CDKL2: variants seen among roughly 807,000 people sequenced by gnomAD.
The protein encoded by CDKL2 is cyclin dependent kinase like 2.
Under a neutral mutation model 63.9 loss-of-function variants are expected in CDKL2, and 64 were observed. That is an observed-to-expected ratio of 1.00 (90% CI 0.82 to 1.23). The LOEUF is 1.23. CDKL2 is among the 50% of genes most tolerant of loss of function. The pLI is 0.00. For synonymous variants in CDKL2, 211 were observed against 229.2 expected (o/e 0.92, Z 0.72); for missense variants, 656 against 668.0 (o/e 0.98, Z 0.20).
chr4:75,610,829 ATATGTATG>A (rs961076916), intron 3 of CDKL2, among the ~76,000 whole-genome samples: 5 of 152,088 alleles, frequency 3.3e-5, no homozygotes, highest in Admixed American at 6.6e-5. Context: ...GTGTTTATAT[ATATGTATG>A]TATGTATGTA....
chr4:75,616,648 T>TAAG (rs1729939034), intron 2 of CDKL2, among the ~76,000 whole-genome samples: 1 of 137,012 alleles, frequency 7.3e-6, no homozygotes, highest in Non-Finnish European at 1.5e-5. Flanking sequence ...TGCAGTGAGC[T>TAAG]AAGATTGCAC....
At chr4:75,613,477 T>G (rs1250843910) in intron 3 of CDKL2, among the ~76,000 whole-genome samples, 1 of 152,216 alleles carries the variant, frequency 6.6e-6, no homozygotes, top group African/African-American at 2.4e-5. Context: ...ACAAAGAATG[T>G]CATTTAAAAT....
At chr4:75,587,011 A>G (rs1055380123) in intron 12 of CDKL2, among the ~76,000 whole-genome samples, 3 of 152,228 alleles carry the variant, frequency 2.0e-5, no homozygotes, top group Non-Finnish European at 2.9e-5. Flanking sequence ...CAGATAACAG[A>G]GGAAATTAAC....
intron 12 of CDKL2, 31 bp from the exon 13 acceptor site, chr4:75,581,929 C>T: frequency 6.8e-7 from 1 of 1,475,230 alleles, no homozygotes; most frequent in Non-Finnish European, 9.4e-7. Context: ...ATCATAGGTT[C>T]TCAGTAATTG....
At chr4:75,621,901 A>G (rs1311041969) in intron 2 of CDKL2, among the ~76,000 whole-genome samples, 1 of 152,218 alleles carries the variant, frequency 6.6e-6, no homozygotes, top group Non-Finnish European at 1.5e-5. Context: ...GTATATCCTA[A>G]TAACTGCTGA....
intron 12 of CDKL2, among the ~76,000 whole-genome samples, chr4:75,589,452 CTG>C (rs1728613060): frequency 6.6e-6 from 1 of 150,946 alleles, no homozygotes; most frequent in East Asian, 1.9e-4. Context: ...CTACAGGCGC[CTG>C]CCACTACGCC....
intron 3 of CDKL2, among the ~76,000 whole-genome samples, chr4:75,610,821 G>A (rs1230265725): frequency 2.0e-5 from 3 of 152,088 alleles, no homozygotes; most frequent in Middle Eastern, 3.4e-3. Flanking sequence ...ACATATATGT[G>A]TTTATATATA....
intron 12 of CDKL2, among the ~76,000 whole-genome samples, chr4:75,591,527 T>A (rs1398796695): frequency 6.6e-6 from 1 of 151,996 alleles, no homozygotes; most frequent in African/African-American, 2.4e-5. Context: ...AGCTCAAGGG[T>A]TTGAAGCTGC....
In CDKL2 at chr4:75,614,318, G is replaced by A; in HGVS notation, c.300C>T (p.Tyr100=). ...GAAACAAATACTTTTGAACTACTTG[G>A]TAGTCTAGTCCATTTGGAAAGAGCT... The part of the protein sequence containing the change: ...DLELFPNGLD[Y]QVVQKYLFQI... The change falls in exon 3 of 14, where the codon TAC becomes TAT. Residue 100 remains tyrosine, a synonymous_variant. Transcript: ENST00000307465. The A allele has an allele frequency of 6.2e-7, 1 of 1,611,570 alleles. No individual in the cohort carries two copies. The highest frequency in any genetic ancestry group is 1.7e-5 in the Admixed American group (1 of 59,740).
intron 4 of CDKL2, among the ~76,000 whole-genome samples, chr4:75,606,029 T>G (rs1177218732): frequency 1.3e-5 from 2 of 152,294 alleles, no homozygotes; most frequent in East Asian, 3.9e-4. Flanking sequence ...TATGTATACT[T>G]TATTCTGGAA....
chr4:75,616,724 C>A (rs1039394108), intron 2 of CDKL2, among the ~76,000 whole-genome samples: 2 of 137,636 alleles, frequency 1.5e-5, no homozygotes, highest in Non-Finnish European at 1.5e-5. Flanking sequence ...AAAAGGAATT[C>A]AAATATCATA....
rs1199507384 is a variant in CDKL2 at position 75,630,142 on chromosome 4, C to G, written c.-130G>C. ...GGTTCGCAGGTCCAAAAGATGCTGC[C>G]TAGCAAACTAGCAATTCCAGCGCTG... On this transcript the variant is annotated 5_prime_UTR_variant, in exon 1 of 14. An upstream open reading frame in the 5' UTR loses its in-frame stop. Transcript: ENST00000307465. 6.6e-6 allele frequency: 1 copy of G among 152,556 alleles called. No individual in the cohort carries two copies. The highest frequency in any genetic ancestry group is 1.5e-5 in the Non-Finnish European group (1 of 68,026). 9.5% of individuals were successfully genotyped at this position (152,556 alleles called of 1,614,324 possible). A position where few individuals can be genotyped will look rare whatever the true frequency, so the allele number is the denominator to read the frequency against.
At chr4:75,609,902 A>G (rs2055997) in intron 3 of CDKL2, among the ~76,000 whole-genome samples, 110,132 of 151,716 alleles carry the variant, frequency 0.73, 40,079 homozygotes, top group East Asian at 0.84. Flanking sequence ...CCTGTGCTGT[A>G]GTAGAAAGAG....
intron 3 of CDKL2, among the ~76,000 whole-genome samples, chr4:75,609,495 C>T (rs1729585503): frequency 6.6e-6 from 1 of 151,546 alleles, no homozygotes; most frequent in South Asian, 2.1e-4. Context: ...ATCCCAGCTA[C>T]TTGGGAGGCT....
intron 12 of CDKL2, among the ~76,000 whole-genome samples, chr4:75,583,565 C>T (rs1310126847): frequency 6.6e-6 from 1 of 152,140 alleles, no homozygotes; most frequent in Non-Finnish European, 1.5e-5. Flanking sequence ...ACAGCTGCAA[C>T]CCCCAGGGAT....
At chr4:75,622,120 C>T (rs1300187772) in intron 2 of CDKL2, among the ~76,000 whole-genome samples, 2 of 151,818 alleles carry the variant, frequency 1.3e-5, no homozygotes, top group Non-Finnish European at 2.9e-5. Context: ...CTCTAAAACA[C>T]CAGCAAAAGA....
At chr4:75,581,989 A>T in intron 12 of CDKL2, 91 bp from the exon 13 acceptor site, 1 of 797,762 alleles carries the variant, frequency 1.3e-6, no homozygotes, top group Non-Finnish European at 2.1e-6. Context: ...CAAATATTAG[A>T]TGTTTATAAT....
chr4:75,591,087 G>A (rs1728694069), intron 12 of CDKL2, among the ~76,000 whole-genome samples: 2 of 151,982 alleles, frequency 1.3e-5, no homozygotes, highest in Admixed American at 1.3e-4. Flanking sequence ...TCTTTAACAT[G>A]GATAAAATGG....
At chr4:75,611,291 T>A (rs1156230683) in intron 3 of CDKL2, among the ~76,000 whole-genome samples, 2 of 151,950 alleles carry the variant, frequency 1.3e-5, no homozygotes, top group Non-Finnish European at 2.9e-5. Flanking sequence ...AAACCCCATC[T>A]CTACTAAAAA....
Sources: allele counts gnomAD v4.1 joint callset (sites outside exome capture counted in the v4.1 genomes callset), GRCh38; gene constraint gnomAD v4.1.1; transcripts MANE v1.5; gene names NCBI Gene and HGNC (gene_info 2026-07-23, HGNC 2026-07-21).